PHACTR1: variants seen among roughly 807,000 people sequenced by gnomAD.
The protein encoded by PHACTR1 is RPEL repeat containing 1.
In PHACTR1, 16 loss-of-function variants were observed where a neutral mutation model predicts 69.2. The ratio of observed to expected loss-of-function variants is 0.23; its 90% CI spans 0.16 to 0.35. PHACTR1 has a LOEUF of 0.35. Ranked by LOEUF, PHACTR1 falls within the 10% of genes least tolerant of loss-of-function variation. The probability of loss-of-function intolerance (pLI) is 1.00; values close to 1 mark genes in which losing one functional copy is unlikely to be tolerated. For synonymous variants in PHACTR1, 312 were observed against 284.5 expected, an observed-to-expected ratio of 1.10 and a Z score of -0.97; for missense variants, 510 against 734.7, an observed-to-expected ratio of 0.69 and a Z score of 3.54.
At chr6:12,990,230 G>A (rs1485206989) in intron 4 of PHACTR1, among the ~76,000 whole-genome samples, 4 of 152,248 alleles carry the variant, frequency 2.6e-5, no homozygotes, top group East Asian at 1.9e-4. Context: ...CTTACACCCC[G>A]TTTCTTCTTT....
At chr6:12,867,192 A>G (rs535248232) in intron 4 of PHACTR1, among the ~76,000 whole-genome samples, 1 of 152,312 alleles carries the variant, frequency 6.6e-6, no homozygotes, top group African/African-American at 2.4e-5. Flanking sequence ...TCTTCAGTTC[A>G]GAGGTCAAGA....
At chr6:13,028,841 C>G (rs1194202109) in intron 4 of PHACTR1, among the ~76,000 whole-genome samples, 8 of 152,044 alleles carry the variant, frequency 5.3e-5, no homozygotes, top group African/African-American at 1.9e-4. Flanking sequence ...GTGAGTTCAC[C>G]AAAGCAAGAG....
intron 4 of PHACTR1, among the ~76,000 whole-genome samples, chr6:12,935,403 C>T (rs1562028094): frequency 6.6e-6 from 1 of 152,026 alleles, no homozygotes; most frequent in African/African-American, 2.4e-5. Flanking sequence ...AACACCACAC[C>T]CAGCTAATTT....
intron 10 of PHACTR1, among the ~76,000 whole-genome samples, chr6:13,239,200 C>A (rs1398785000): frequency 1.3e-5 from 2 of 152,190 alleles, no homozygotes; most frequent in Non-Finnish European, 2.9e-5. Context: ...TCTGAGACCT[C>A]CCATAAAACT....
chr6:12,760,311 G>A (rs1293527783), intron 4 of PHACTR1, among the ~76,000 whole-genome samples: 1 of 152,174 alleles, frequency 6.6e-6, no homozygotes, highest in African/African-American at 2.4e-5. Flanking sequence ...CAATGAATAT[G>A]AGTAGCCCCA....
chr6:13,276,088 A>G (rs1490824395), intron 11 of PHACTR1: 1 of 149,108 alleles, frequency 6.7e-6, no homozygotes, highest in African/African-American at 2.5e-5. Flanking sequence ...ATGGCTGACT[A>G]GTTTAATGGG....
At chr6:12,881,234 A>G (rs1464242763) in intron 4 of PHACTR1, among the ~76,000 whole-genome samples, 1 of 152,144 alleles carries the variant, frequency 6.6e-6, no homozygotes, top group Non-Finnish European at 1.5e-5. Flanking sequence ...TGCCATGGTG[A>G]ATATTAAGGA....
At chr6:12,977,203 C>A (rs1206337214) in intron 4 of PHACTR1, among the ~76,000 whole-genome samples, 1 of 152,174 alleles carries the variant, frequency 6.6e-6, no homozygotes, top group Non-Finnish European at 1.5e-5. Context: ...CCACCTGCCT[C>A]GGCCTTCCAA....
intron 4 of PHACTR1, among the ~76,000 whole-genome samples, chr6:12,844,396 C>T (rs936043639): frequency 2.6e-5 from 4 of 151,994 alleles, no homozygotes; most frequent in Admixed American, 2.6e-4. Flanking sequence ...GACCCTATCC[C>T]CCGCCCCCAA....
intron 4 of PHACTR1, among the ~76,000 whole-genome samples, chr6:12,921,317 C>T (rs576330939): frequency 5.3e-5 from 8 of 152,228 alleles, no homozygotes; most frequent in South Asian, 2.1e-4. Context: ...AGAATAAATT[C>T]GATAACTAAT....
intron 6 of PHACTR1, among the ~76,000 whole-genome samples, chr6:13,170,665 C>T (rs1161882384): frequency 3.3e-5 from 5 of 152,234 alleles, no homozygotes; most frequent in Non-Finnish European, 7.3e-5. Context: ...TTCATAATGT[C>T]TAAAAGAACA....
At chr6:13,045,234 T>TG (rs149410500) in intron 4 of PHACTR1, among the ~76,000 whole-genome samples, 6,046 of 152,262 alleles carry the variant, frequency 0.04, 403 homozygotes, top group African/African-American at 0.14. Flanking sequence ...AGCTCTAAAA[T>TG]GGGGATAATA....
At chr6:12,750,704 C>T (rs1766517310) in intron 4 of PHACTR1, among the ~76,000 whole-genome samples, 1 of 152,168 alleles carries the variant, frequency 6.6e-6, no homozygotes, top group Non-Finnish European at 1.5e-5. Context: ...CTGCTCCTAA[C>T]TCGACTCTAG....
intron 5 of PHACTR1, among the ~76,000 whole-genome samples, chr6:13,079,175 C>G (rs1198983559): frequency 6.6e-6 from 1 of 152,160 alleles, no homozygotes; most frequent in Non-Finnish European, 1.5e-5. Context: ...ATGATCACGG[C>G]TCTTCCTCAT....
chr6:13,215,301 G>T (rs1160518122), intron 8 of PHACTR1, among the ~76,000 whole-genome samples: 1 of 152,220 alleles, frequency 6.6e-6, no homozygotes, highest in Non-Finnish European at 1.5e-5. Flanking sequence ...CCATGAGAGT[G>T]CAGGGAGGGA....
chr6:13,131,220 C>CACAT (rs1554134790), intron 5 of PHACTR1, among the ~76,000 whole-genome samples: 3 of 31,568 alleles, frequency 9.5e-5, no homozygotes, highest in African/African-American at 2.1e-4. Flanking sequence ...CACACACACA[C>CACAT]ACACACACAC....
intron 3 of PHACTR1, among the ~76,000 whole-genome samples, chr6:12,744,951 A>C (rs574648639): frequency 3.9e-5 from 6 of 152,076 alleles, no homozygotes; most frequent in African/African-American, 1.4e-4. Flanking sequence ...AAGTGATGAG[A>C]GTGGATAGAG....
intron 4 of PHACTR1, among the ~76,000 whole-genome samples, chr6:12,986,455 G>A (rs774589706): frequency 2.6e-5 from 4 of 152,176 alleles, no homozygotes; most frequent in Non-Finnish European, 4.4e-5. Flanking sequence ...AGTGCTATGG[G>A]CCTACTACTG....
chr6:12,774,370 A>G (rs1769762712), intron 4 of PHACTR1, among the ~76,000 whole-genome samples: 1 of 151,454 alleles, frequency 6.6e-6, no homozygotes, highest in Admixed American at 6.6e-5. Context: ...TAATTTGAAC[A>G]TATTTGGCTT....
Sources: allele counts gnomAD v4.1 joint callset (sites outside exome capture counted in the v4.1 genomes callset), GRCh38; gene constraint gnomAD v4.1.1; transcripts MANE v1.5; gene names NCBI Gene and HGNC (gene_info 2026-07-23, HGNC 2026-07-21).